The following CDH13 variants were observed in gnomAD, a reference collection of about 807,000 sequenced individuals.
CDH13 encodes the protein cadherin-13.
Under a neutral mutation model 63.8 loss-of-function variants are expected in CDH13, and 24 were observed. The observed-to-expected ratio is 0.38, with a 90% CI of 0.27 to 0.53. The LOEUF is 0.53. Ranked by LOEUF, CDH13 falls within the 20% of genes least tolerant of loss-of-function variation. The pLI is 0.85. For synonymous variants in CDH13, 503 were observed against 355.3 expected (o/e 1.42, Z -4.67); for missense variants, 1,049 against 903.1 (o/e 1.16, Z -2.07).
chr16:83,396,686 T>C (rs1384958118), intron 6 of CDH13: 3 of 152,100 alleles, frequency 2.0e-5, no homozygotes, highest in African/African-American at 7.2e-5. Flanking sequence ...TTTCTGAAGA[T>C]AAGCAGTAAT....
intron 6 of CDH13, among the ~76,000 whole-genome samples, chr16:83,440,938 G>C (rs1184599846): frequency 1.3e-5 from 2 of 152,120 alleles, no homozygotes; most frequent in Non-Finnish European, 2.9e-5. Context: ...AGACATTCTG[G>C]AGAGCTTCCC....
chr16:82,981,035 G>A (rs1910192341), intron 2 of CDH13, among the ~76,000 whole-genome samples: 1 of 152,044 alleles, frequency 6.6e-6, no homozygotes, highest in Admixed American at 6.5e-5. Flanking sequence ...AGGTGCATCA[G>A]GAGCCCCAGC....
At chr16:83,098,248 T>C (rs4598899) in intron 3 of CDH13, among the ~76,000 whole-genome samples, 56,674 of 152,236 alleles carry the variant, frequency 0.37, 11,995 homozygotes, top group Middle Eastern at 0.58. Flanking sequence ...GCATTTCATA[T>C]ATGGTATAAG....
intron 1 of CDH13, among the ~76,000 whole-genome samples, chr16:82,684,935 G>A (rs1914909488): frequency 6.6e-6 from 1 of 150,976 alleles, no homozygotes; most frequent in African/African-American, 2.4e-5. Context: ...GTAGTCGCTT[G>A]AAAATGAGTA....
intron 5 of CDH13, among the ~76,000 whole-genome samples, chr16:83,257,849 C>T (rs561158259): frequency 2.0e-5 from 3 of 152,300 alleles, no homozygotes; most frequent in Admixed American, 1.3e-4. Flanking sequence ...GCCATACTAT[C>T]TTCCACAATG....
intron 5 of CDH13, among the ~76,000 whole-genome samples, chr16:83,324,383 C>G (rs2090311859): frequency 1.3e-5 from 2 of 152,184 alleles, no homozygotes; most frequent in African/African-American, 4.8e-5. Context: ...GAAACCCCAT[C>G]ACTCTTGGAA....
chr16:83,011,446 G>T (rs535836558), intron 2 of CDH13, among the ~76,000 whole-genome samples: 2 of 152,292 alleles, frequency 1.3e-5, no homozygotes, highest in South Asian at 4.2e-4. Context: ...TACAAGTAGT[G>T]CAAATCGAAA....
intron 3 of CDH13, among the ~76,000 whole-genome samples, chr16:83,071,336 G>T (rs532096477): frequency 1.3e-5 from 2 of 151,994 alleles, no homozygotes; most frequent in Non-Finnish European, 2.9e-5. Context: ...CCCCTTTCTC[G>T]GATAAGGAGA....
chr16:83,005,486 C>G (rs1476978300), intron 2 of CDH13, among the ~76,000 whole-genome samples: 1 of 152,182 alleles, frequency 6.6e-6, no homozygotes, highest in Admixed American at 6.5e-5. Flanking sequence ...AGGCCACTCC[C>G]ACCAACAACC....
At chr16:82,778,967 G>A (rs1434836571) in intron 1 of CDH13, among the ~76,000 whole-genome samples, 2 of 152,102 alleles carry the variant, frequency 1.3e-5, no homozygotes, top group African/African-American at 4.8e-5. Flanking sequence ...CCTGGAGCCT[G>A]CTGTGTATAT....
chr16:82,649,489 AC>A (rs756866257), intron 1 of CDH13, among the ~76,000 whole-genome samples: 5 of 152,186 alleles, frequency 3.3e-5, no homozygotes, highest in Non-Finnish European at 7.4e-5. Flanking sequence ...AACAAAAAGA[AC>A]CAGTCACTGG....
intron 8 of CDH13, among the ~76,000 whole-genome samples, chr16:83,632,869 T>A (rs1338388328): frequency 6.6e-6 from 1 of 151,472 alleles, no homozygotes; most frequent in East Asian, 1.9e-4. Context: ...AAAGGTGGAT[T>A]ATTCTTGGGT....
intron 8 of CDH13, among the ~76,000 whole-genome samples, chr16:83,647,906 T>C (rs1911987077): frequency 2.0e-5 from 3 of 152,068 alleles, no homozygotes; most frequent in African/African-American, 7.2e-5. Context: ...CCCCATGCCA[T>C]GGGGATGTGT....
At chr16:82,645,960 G>T (rs1019743650) in intron 1 of CDH13, among the ~76,000 whole-genome samples, 5 of 152,182 alleles carry the variant, frequency 3.3e-5, no homozygotes, top group Admixed American at 1.3e-4. Context: ...AACTTTTGGG[G>T]GTTATCTGTT....
In CDH13 at chr16:82,658,692, C is replaced by A. The variant is rs372745828; in HGVS notation, c.45+31555C>A. ...ATTATACCTAAAGAACTTAGCACCC[C>A]ACTCAGCACATGGTGGCTGCCATGA... is the stretch of plus-strand genomic sequence containing the variant. On this transcript the variant is annotated intron_variant, in intron 1 of 13. Transcript: ENST00000567109. Among the ~76,000 whole-genome samples, 12 of 152,318 alleles carry A rather than the reference C, an allele frequency of 7.9e-5. No homozygotes were observed. In the East Asian group the frequency reaches 1.9e-3, roughly 25 times the overall value.
At chr16:82,949,275 C>T (rs6565087) in intron 2 of CDH13, among the ~76,000 whole-genome samples, 23,187 of 152,206 alleles carry the variant, frequency 0.15, 1,955 homozygotes, top group Admixed American at 0.23. Flanking sequence ...TGTTCCTTGG[C>T]TTGTAGCTGA....
chr16:82,710,492 C>T lies in CDH13; in HGVS notation c.45+83355C>T, dbSNP rs535723483. 3.2e-5 allele frequency among the ~76,000 whole-genome samples: 4 copies of T among 125,030 alleles called. No individual in the cohort carries two copies. In the South Asian group the frequency reaches 9.7e-4, roughly 30 times the overall value. 82.0% of individuals were successfully genotyped at this position (125,030 alleles called of 152,430 possible). On this transcript the variant is annotated intron_variant, in intron 1 of 13. Transcript: ENST00000567109. Reference sequence around the variant, plus strand: ...AGCTTGCAGTGAGCCGAGATCGCGCCACTGCACTCCAGCCTGGGTGACAGA... The same window carrying T: ...AGCTTGCAGTGAGCCGAGATCGCGCTACTGCACTCCAGCCTGGGTGACAGA...
At chr16:83,024,458 C>T (rs906503710) in intron 2 of CDH13, among the ~76,000 whole-genome samples, 8 of 152,106 alleles carry the variant, frequency 5.3e-5, no homozygotes, top group African/African-American at 1.9e-4. Context: ...GGAAAGAACA[C>T]ATTCATCTAG....
chr16:83,560,912 C>A (rs149891190), intron 7 of CDH13, among the ~76,000 whole-genome samples: 14 of 152,102 alleles, frequency 9.2e-5, no homozygotes, highest in Admixed American at 7.8e-4. Context: ...CCCCCCCCGC[C>A]CCAGGGGCTG....
Sources: allele counts gnomAD v4.1 joint callset (sites outside exome capture counted in the v4.1 genomes callset), GRCh38; gene constraint gnomAD v4.1.1; transcripts MANE v1.5; gene names NCBI Gene and HGNC (gene_info 2026-07-23, HGNC 2026-07-21).